AKAP9: variants seen among roughly 807,000 people sequenced by gnomAD.
AKAP9 encodes A-kinase anchoring protein 9, also known as A-kinase anchor protein 9.
Under a neutral mutation model 488.5 loss-of-function variants are expected in AKAP9, and 311 were observed. The observed-to-expected ratio is 0.64, with a 90% CI of 0.58 to 0.70. The LOEUF (loss-of-function observed/expected upper bound fraction) is 0.70. Among genes scored for constraint, AKAP9 ranks in the 30% least tolerant of loss-of-function variants. The probability of loss-of-function intolerance (pLI) is 0.00; values close to 1 mark genes in which losing one functional copy is unlikely to be tolerated. For synonymous variants in AKAP9, 1,462 were observed against 1,483.5 expected, an observed-to-expected ratio of 0.99 and a Z score of 0.33; for missense variants, 4,215 against 4,374.5, an observed-to-expected ratio of 0.96 and a Z score of 1.03.
intron 26 of AKAP9, among the ~76,000 whole-genome samples, chr7:92,067,335 G>T (rs1316670974): frequency 6.6e-6 from 1 of 152,138 alleles, no homozygotes; most frequent in Non-Finnish European, 1.5e-5. Flanking sequence ...GAAAGGTCTT[G>T]ATTCCTGATT....
At chr7:92,028,065 T>C (rs1184312735) in intron 14 of AKAP9, among the ~76,000 whole-genome samples, 4 of 152,062 alleles carry the variant, frequency 2.6e-5, no homozygotes, top group South Asian at 4.1e-4. Flanking sequence ...GTGCAAGATG[T>C]GCTTTGTTAA....
chr7:92,038,900 C>T (rs900501134), intron 17 of AKAP9, 128 bp downstream of exon 17: 12 of 727,176 alleles, frequency 1.7e-5, no homozygotes, highest in African/African-American at 3.6e-5. Flanking sequence ...TTATGACTCA[C>T]GTTGTTTTGT....
At chr7:91,976,422 C>T (rs1795699274) in intron 2 of AKAP9, among the ~76,000 whole-genome samples, 1 of 152,058 alleles carries the variant, frequency 6.6e-6, no homozygotes, top group African/African-American at 2.4e-5. Flanking sequence ...GGAGTTTTGC[C>T]ATGTTGCCCA....
intron 1 of AKAP9, among the ~76,000 whole-genome samples, chr7:91,963,748 G>C (rs1794074532): frequency 1.3e-5 from 2 of 152,110 alleles, no homozygotes. Context: ...TTGAACTCCT[G>C]ACCTTGTGAT....
chr7:91,984,005 A>C lies in AKAP9; in HGVS notation c.351+3672A>C, dbSNP rs1234888503. The stretch of plus-strand genomic sequence containing the variant: ...GGGTTTTTTTCTTGTAAATTTGTTT[A>C]AGTTCTTTATAGATTCTGGATATTA... On this transcript the variant is annotated intron_variant, in intron 3 of 49. Transcript: ENST00000356239. 2.0e-5 allele frequency among the ~76,000 whole-genome samples: 3 copies of C among 151,980 alleles called. 1 individual carries two copies. In the South Asian group the frequency reaches 6.2e-4, roughly 31 times the overall value.
intron 2 of AKAP9, 124 bp from the exon 3 acceptor site, chr7:91,980,165 C>T: frequency 1.2e-5 from 6 of 517,034 alleles, no homozygotes; most frequent in East Asian, 6.6e-5. Context: ...GTAATTTTTA[C>T]TAGTTTTTTA....
intron 1 of AKAP9, chr7:91,970,657 T>C (rs1286535723): frequency 2.7e-6 from 1 of 363,856 alleles, no homozygotes; most frequent in African/African-American, 2.1e-5. Context: ...TCCCACATCC[T>C]CCTATATGGT....
rs968085926 is a variant in AKAP9 at position 92,083,816 on chromosome 7, G to C, written c.8646+161G>C. The stretch of plus-strand genomic sequence containing the variant: ...TATCAAGGCAAGTTTTAAACTCCTA[G>C]TACAATATTCCTTTTTTTTCTTTTG... On this transcript the variant is annotated intron_variant, in intron 33 of 49. Coordinates refer to ENST00000356239, the MANE Select transcript of AKAP9 (RefSeq NM_005751.5). 15 of 674,610 alleles carry C rather than the reference G, an allele frequency of 2.2e-5. No individual in the cohort carries two copies. In the African/African-American group the frequency reaches 2.7e-4, roughly 12 times the overall value. The allele number at this position is 674,610 out of a possible 1,614,324, so 41.8% of individuals were successfully genotyped here.
At position 92,102,771 on chromosome 7, in the gene AKAP9, C is replaced by T; in HGVS notation, c.11275C>T (p.Pro3759Ser). 6.2e-7 allele frequency: 1 copy of T among 1,614,186 alleles called. No individual in the cohort carries two copies. Residue 3759 changes from proline to serine, a missense_variant, in exon 46 of 50, where the codon CCA (proline) becomes TCA (serine). This residue lies in a region of AKAP9 where 253 missense variants were observed against 266.8 expected (regional missense o/e 0.95). Coordinates refer to ENST00000356239, the MANE Select transcript of AKAP9 (RefSeq NM_005751.5). Reference protein sequence around the residue: ...FTDLEVITNRPKGFTRFRSAV... With the variant: ...FTDLEVITNRSKGFTRFRSAV... ...GGATCTAGAGGTGATCACCAATCGC[C>T]CAAAGGGCTTCACCAGGTTTCGGTC...
At chr7:92,100,833 T>C (rs746389831) in intron 44 of AKAP9, 23 bp from the exon 45 acceptor site, 1 of 1,613,812 alleles carries the variant, frequency 6.2e-7, no homozygotes, top group South Asian at 1.1e-5. Flanking sequence ...GAGACTTGTG[T>C]AAGTAGGCTG....
At chr7:91,976,604 A>G (rs1562923496) in intron 2 of AKAP9, among the ~76,000 whole-genome samples, 1 of 152,220 alleles carries the variant, frequency 6.6e-6, no homozygotes, top group Non-Finnish European at 1.5e-5. Context: ...ACTAGGGACA[A>G]AAGATGTTAC....
At chr7:91,994,148 G>A (rs545240690) in intron 5 of AKAP9, among the ~76,000 whole-genome samples, 6 of 152,204 alleles carry the variant, frequency 3.9e-5, no homozygotes, top group African/African-American at 1.2e-4. Flanking sequence ...ACAGAAAAAC[G>A]ATGTCAGTGG....
chr7:91,988,753 C>T (rs1797412239), intron 3 of AKAP9, among the ~76,000 whole-genome samples: 1 of 152,126 alleles, frequency 6.6e-6, no homozygotes, highest in Non-Finnish European at 1.5e-5. Context: ...CACCTTTGAA[C>T]TGTATGAACC....
In AKAP9 at chr7:92,108,543, C is replaced by G. The variant is rs1352511944; in HGVS notation, c.11596C>G (p.Gln3866Glu). ...CAATCCTGGTTCTTTAGCATGTTCT[C>G]AGCTTCAGAATTACGATCCTGACAG... is the stretch of plus-strand genomic sequence containing the variant. ...DFNPGSLACS[Q>E]LQNYDPDRAL... The change falls in exon 49 of 50, where the codon CAG becomes GAG. Residue 3866 changes from glutamine (Q) to glutamate (E), a missense_variant. Gln to Glu is a conservative substitution (Grantham distance 29). Transcript: ENST00000356239. The G allele has an allele frequency of 1.9e-6, 3 of 1,614,150 alleles. No homozygotes were observed. The highest frequency in any genetic ancestry group is 2.5e-6 in the Non-Finnish European group (3 of 1,180,016).
intron 47 of AKAP9, 148 bp downstream of exon 47, chr7:92,105,911 T>C (rs1267014333): frequency 2.2e-5 from 16 of 734,032 alleles, no homozygotes; most frequent in Non-Finnish European, 2.4e-6. Context: ...CTGCCCGAGC[T>C]CCACCTCCTG....
intron 1 of AKAP9, among the ~76,000 whole-genome samples, chr7:91,956,399 CAAAA>C (rs554292233): frequency 9.2e-6 from 1 of 108,130 alleles, no homozygotes. Flanking sequence ...GACTCTGTCT[CAAAA>C]AAAAAAAAAA....
chr7:91,989,601 CTTA>C (rs1562941686), intron 3 of AKAP9, among the ~76,000 whole-genome samples: 1 of 151,910 alleles, frequency 6.6e-6, no homozygotes, highest in Non-Finnish European at 1.5e-5. Flanking sequence ...GGTATTCACT[CTTA>C]TTATAGATTT....
rs751749069 is a variant in AKAP9, at chr7:92,097,368, A to G, written c.10398+11A>G. ...CAGAACCTTAATGAGGTAAACTGAC[A>G]GTTTCTTTTTAGATATTTTTAAGGA... is the stretch of plus-strand genomic sequence containing the variant. On this transcript the variant is annotated intron_variant, in intron 41 of 49. Transcript: ENST00000356239. 1.2e-6 allele frequency: 2 copies of G among 1,611,694 alleles called. No individual in the cohort carries two copies. The highest frequency in any genetic ancestry group is 2.2e-5 in the East Asian group (1 of 44,780).
intron 1 of AKAP9, among the ~76,000 whole-genome samples, chr7:91,947,532 G>A (rs941993392): frequency 6.6e-6 from 1 of 152,090 alleles, no homozygotes; most frequent in African/African-American, 2.4e-5. Context: ...AGTAGAGACA[G>A]GGTTTCACCA....
Sources: gnomAD v4.1 joint callset for allele counts (sites outside exome capture counted in the v4.1 genomes callset) on GRCh38, gnomAD v4.1.1 for gene constraint, gnomAD v4.1.1 regional missense constraint, MANE v1.5 for transcripts, NCBI Gene and HGNC (gene_info 2026-07-23, HGNC 2026-07-21) for gene names.